Variants in PDE11A observed in about 807,000 individuals in gnomAD.
PDE11A encodes dual 3',5'-cyclic-AMP and -GMP phosphodiesterase 11A.
In PDE11A, 100 loss-of-function variants were observed where a neutral mutation model predicts 100.5. That is an observed-to-expected ratio of 1.00 (90% CI 0.85 to 1.18). PDE11A has a LOEUF of 1.18. PDE11A is among the 50% of genes most tolerant of loss of function. The pLI is 0.00. For synonymous variants in PDE11A, 381 were observed against 420.8 expected (o/e 0.91, Z 1.16); for missense variants, 1,141 against 1,152.6 (o/e 0.99, Z 0.15).
chr2:178,095,098 T>C (rs1421211381), intron 2 of PDE11A, among the ~76,000 whole-genome samples: 2 of 152,146 alleles, frequency 1.3e-5, no homozygotes, highest in Admixed American at 6.5e-5. Flanking sequence ...AAACCAACCA[T>C]GCCTTCTCAA....
chr2:177,939,795 T>C (rs555036615), intron 2 of PDE11A, among the ~76,000 whole-genome samples: 2 of 152,296 alleles, frequency 1.3e-5, no homozygotes, highest in South Asian at 2.1e-4. Flanking sequence ...CCAGGACAAG[T>C]TGGGCATGTT....
chr2:177,826,434 T>C (rs1469319116), intron 6 of PDE11A, among the ~76,000 whole-genome samples: 1 of 152,210 alleles, frequency 6.6e-6, no homozygotes, highest in Non-Finnish European at 1.5e-5. Flanking sequence ...CCAAAGATAA[T>C]CTAGTGGTGA....
chr2:177,661,108 A>T (rs776580947), intron 19 of PDE11A, among the ~76,000 whole-genome samples: 2 of 152,110 alleles, frequency 1.3e-5, no homozygotes, highest in Non-Finnish European at 2.9e-5. Flanking sequence ...GGTTCTTGCC[A>T]CCCAACCTTG....
intron 2 of PDE11A, among the ~76,000 whole-genome samples, chr2:177,951,441 T>TA (rs36094310): frequency 0.075 from 11,363 of 152,310 alleles, 418 homozygotes; most frequent in South Asian, 0.094. Context: ...TAGTTTATAT[T>TA]TTTTTCAGGT....
At chr2:177,740,782 T>C (rs1407598211) in intron 10 of PDE11A, among the ~76,000 whole-genome samples, 1 of 152,248 alleles carries the variant, frequency 6.6e-6, no homozygotes, top group Non-Finnish European at 1.5e-5. Context: ...CTTGTGAATC[T>C]GTCTCTCATC....
intron 2 of PDE11A, among the ~76,000 whole-genome samples, chr2:177,967,102 T>C (rs775716982): frequency 1.3e-5 from 2 of 152,064 alleles, no homozygotes; most frequent in Non-Finnish European, 2.9e-5. Context: ...AATTTATCCA[T>C]TTCTTCTAGG....
At chr2:177,810,901 G>A (rs747661815) in intron 9 of PDE11A, among the ~76,000 whole-genome samples, 2 of 152,084 alleles carry the variant, frequency 1.3e-5, no homozygotes, top group Non-Finnish European at 2.9e-5. Context: ...AGAGGCTTTG[G>A]GGAGGTAGAA....
chr2:177,933,216 T>C (rs1195295524), intron 2 of PDE11A, among the ~76,000 whole-genome samples: 2 of 152,160 alleles, frequency 1.3e-5, no homozygotes, highest in Non-Finnish European at 2.9e-5. Flanking sequence ...TGCTCATTGA[T>C]TGGAATAATC....
At chr2:178,009,050 G>A (rs528860968) in intron 2 of PDE11A, among the ~76,000 whole-genome samples, 2 of 152,278 alleles carry the variant, frequency 1.3e-5, no homozygotes, top group East Asian at 3.9e-4. Flanking sequence ...CACTTTTAGG[G>A]CAGATGTATA....
chr2:177,728,418 G>T (rs563763371), intron 10 of PDE11A, among the ~76,000 whole-genome samples: 1 of 151,990 alleles, frequency 6.6e-6, no homozygotes, highest in Non-Finnish European at 1.5e-5. Context: ...TAAAATACAC[G>T]CACTGGATCT....
intron 9 of PDE11A, among the ~76,000 whole-genome samples, chr2:177,789,251 T>G (rs957534123): frequency 5.3e-5 from 8 of 152,112 alleles, no homozygotes; most frequent in Non-Finnish European, 1.2e-4. Flanking sequence ...AATCAATAAA[T>G]GTAATCCAGC....
chr2:177,669,799 G>T (rs1020856750), intron 17 of PDE11A, among the ~76,000 whole-genome samples: 2 of 152,184 alleles, frequency 1.3e-5, no homozygotes, highest in African/African-American at 4.8e-5. Context: ...ATGCCAACAG[G>T]CAATCTGCCA....
intron 13 of PDE11A, among the ~76,000 whole-genome samples, chr2:177,706,905 G>C (rs79850880): frequency 7.4e-6 from 1 of 134,932 alleles, no homozygotes; most frequent in Non-Finnish European, 1.6e-5. Context: ...GTTTTTTTTT[G>C]TAAAATTGAG....
intron 2 of PDE11A, among the ~76,000 whole-genome samples, chr2:177,911,974 G>C (rs2084887575): frequency 1.3e-5 from 2 of 152,214 alleles, no homozygotes; most frequent in Admixed American, 6.5e-5. Context: ...TGAAGAATAG[G>C]GTGGGGGACT....
intron 9 of PDE11A, among the ~76,000 whole-genome samples, chr2:177,783,014 T>C (rs943150612): frequency 4.6e-5 from 7 of 152,184 alleles, no homozygotes; most frequent in Admixed American, 3.9e-4. Flanking sequence ...CTGCCACCAA[T>C]GGGGCATTTC....
chr2:177,783,899 G>A (rs1025262584), intron 9 of PDE11A, among the ~76,000 whole-genome samples: 11 of 152,100 alleles, frequency 7.2e-5, no homozygotes, highest in Non-Finnish European at 1.6e-4. Context: ...GTATTCAGAT[G>A]GGTAAAGTTT....
intron 13 of PDE11A, among the ~76,000 whole-genome samples, chr2:177,708,634 A>G (rs1182319930): frequency 2.0e-5 from 3 of 152,264 alleles, no homozygotes; most frequent in Non-Finnish European, 4.4e-5. Flanking sequence ...AATAAAAGTT[A>G]AAAACAAACA....
rs138058817 is a variant in PDE11A, at chr2:177,818,269, C to CATATAT, written c.1577-350_1577-345dup. On this transcript the variant is annotated intron_variant, in intron 7 of 19. Coordinates refer to ENST00000286063, the MANE Select transcript of PDE11A (RefSeq NM_016953.4). ...CTGAATATGTGTGTGTATTCAGCTA[C>CATATAT]ATATATATATATATTTCAACTGAAA... Among the ~76,000 whole-genome samples the CATATAT allele has an allele frequency of 2.5e-3, 367 of 147,684 alleles. 3 individuals carry two copies. Among genetic ancestry groups the CATATAT allele is most frequent in the African/African-American group, 6.8e-3 (273 of 40,170 alleles).
chr2:178,070,734 C>T (rs978642176), intron 1 of PDE11A, among the ~76,000 whole-genome samples: 3 of 152,184 alleles, frequency 2.0e-5, no homozygotes, highest in African/African-American at 7.2e-5. Flanking sequence ...TTGAAACTAA[C>T]ATGTTTACCC....
Sources: gnomAD v4.1 joint callset for allele counts (sites outside exome capture counted in the v4.1 genomes callset) on GRCh38, gnomAD v4.1.1 for gene constraint, MANE v1.5 for transcripts, NCBI Gene and HGNC (gene_info 2026-07-23, HGNC 2026-07-21) for gene names.